SNRNP200: variants seen among roughly 807,000 people sequenced by gnomAD.
SNRNP200 encodes U5 small nuclear ribonucleoprotein 200 kDa helicase.
Under a neutral mutation model 255.2 loss-of-function variants are expected in SNRNP200, and 66 were observed. The ratio of observed to expected loss-of-function variants is 0.26; its 90% CI spans 0.21 to 0.32. SNRNP200 has a LOEUF of 0.32. SNRNP200 is among the 10% of genes least tolerant of loss of function. The pLI, the probability that SNRNP200 is intolerant of heterozygous loss-of-function variation, is 1.00. For synonymous variants in SNRNP200, 939 were observed against 1,027.8 expected (o/e 0.91, Z 1.65); for missense variants, 1,585 against 2,749.8 (o/e 0.58, Z 9.47).
chr2:96,274,978 A>G lies in SNRNP200; in HGVS notation c.*34T>C. The stretch of plus-strand genomic sequence containing the variant: ...TGTACACATTCCTAATTCAGGCTCA[A>G]CTCTCCTTTACCCAAAAGTAAATGC... On this transcript the variant is annotated 3_prime_UTR_variant, in exon 45 of 45. Coordinates refer to ENST00000323853, the MANE Select transcript of SNRNP200 (RefSeq NM_014014.5). 3.1e-6 allele frequency: 5 copies of G among 1,611,984 alleles called. No homozygotes were observed. In the African/African-American group the frequency reaches 5.3e-5, roughly 17 times the overall value.
At position 96,288,726 on chromosome 2, in the gene SNRNP200, G is replaced by A. The variant is rs1424382516; in HGVS notation, c.3195C>T (p.Ala1065=). ...PSAKINVLLQ[A]FISQLKLEGF... ...CCTCCAATTTCAGCTGTGAGATGAA[G>A]GCTTGCAGAAGAACGTTGATCTGTA... Residue 1065 remains alanine, a synonymous_variant, in exon 24 of 45, where the codon GCC becomes GCT. Transcript: ENST00000323853. 1.9e-6 allele frequency: 3 copies of A among 1,614,054 alleles called. No homozygotes were observed. Among genetic ancestry groups the A allele is most frequent in the Admixed American group, 1.7e-5 (1 of 60,006 alleles).
In SNRNP200 at chr2:96,287,825, A is replaced by T. The variant is rs75449597; in HGVS notation, c.3365+38T>A. On this transcript the variant is annotated intron_variant, in intron 25 of 44. Transcript: ENST00000323853. This position sits in a 1 kb window ranked among gnomAD's most constrained non-coding sequence, Gnocchi z 5.7. ...TCAGACCCTTGGGTTGGGGACCCCC[A>T]CTCATGGTGACCAGCATCCAGCTCA... The T allele has an allele frequency of 1.7e-4, 269 of 1,572,206 alleles. 1 individual carries two copies. In the East Asian group the frequency reaches 5.6e-3, roughly 33 times the overall value.
chr2:96,301,145 CAGGAAAGATCTA>C, intron 4 of SNRNP200, 92 bp from the exon 5 acceptor site: 1 of 1,050,290 alleles, frequency 9.5e-7, no homozygotes, highest in Admixed American at 1.7e-5. Context: ...TACCTCTCCT[CAGGAAAGATCTA>C]AGTGCTAAGG....
chr2:96,300,931 TA>T, intron 5 of SNRNP200, 66 bp downstream of exon 5: 1 of 1,332,142 alleles, frequency 7.5e-7, no homozygotes, highest in South Asian at 1.2e-5. Flanking sequence ...TTGTTTACAC[TA>T]GAAGGGGTCC....
In SNRNP200 at chr2:96,286,541, C is replaced by T. The variant is rs1480342536; in HGVS notation, c.3830-57G>A. 2.4e-5 allele frequency: 38 copies of T among 1,605,932 alleles called. No homozygotes were observed. Among genetic ancestry groups the T allele is most frequent in the Admixed American group, 1.3e-4 (8 of 59,796 alleles). On this transcript the variant is annotated intron_variant, in intron 28 of 44. Transcript: ENST00000323853. The surrounding 1 kb of genome is among the most constrained non-coding windows in gnomAD (Gnocchi z 4.8). ...ACTGCTCTCTTTCCCTCACTGGCCT[C>T]TAGATCCCCTCCATGAACACTGGAA...
In SNRNP200 at chr2:96,289,836, T is replaced by C. The variant is rs2063873303; in HGVS notation, c.2903A>G (p.Asn968Ser). The change falls in exon 21 of 45, where the codon AAT becomes AGT. Residue 968 changes from asparagine (N) to serine (S), a missense_variant. Coordinates refer to ENST00000323853, the MANE Select transcript of SNRNP200 (RefSeq NM_014014.5). ...HTAALMLDKNNLVKYDKKTGN... is the reference protein window; with the variant it reads ...HTAALMLDKNSLVKYDKKTGN... ...CGTCTTCTTGTCGTACTTGACCAGA[T>C]TGTTCTTGTCCAGCATCAGGGCAGC... 4 of 1,614,072 alleles carry C rather than the reference T, an allele frequency of 2.5e-6. No individual in the cohort carries two copies. Among genetic ancestry groups the C allele is most frequent in the Non-Finnish European group, 3.4e-6 (4 of 1,180,036 alleles).
At position 96,274,690 on chromosome 2, in the gene SNRNP200, G is replaced by A. The variant is rs370826047; in HGVS notation, c.*322C>T. On this transcript the variant is annotated 3_prime_UTR_variant, in exon 45 of 45. Coordinates refer to ENST00000323853, the MANE Select transcript of SNRNP200 (RefSeq NM_014014.5). ...TCTTTTTGGCCGTGCCCTCAGGTTG[G>A]AGAAAGAAAACTTTTAATTTGGAAT... The A allele has an allele frequency of 2.8e-5, 11 of 386,416 alleles. No individual in the cohort carries two copies. In the East Asian group the frequency reaches 6.2e-4, roughly 22 times the overall value. 23.9% of individuals were successfully genotyped at this position (386,416 alleles called of 1,614,324 possible).
chr2:96,296,964 G>T lies in SNRNP200; in HGVS notation c.1484C>A (p.Thr495Lys). 1 of 1,614,214 alleles carries T rather than the reference G, an allele frequency of 6.2e-7. No individual in the cohort carries two copies. The highest frequency in any genetic ancestry group is 8.5e-7 in the Non-Finnish European group (1 of 1,180,042). ...QSKLYRAALETDENLLLCAPT... is the reference protein window; with the variant it reads ...QSKLYRAALEKDENLLLCAPT... ...AGCACACAGCAGCAGATTCTCATCC[G>T]TCTCAAGGGCAGCACGGTAGAGCTT... Residue 495 changes from threonine to lysine, a missense_variant, in exon 12 of 45, where the codon ACG becomes AAG. Coordinates refer to ENST00000323853, the MANE Select transcript of SNRNP200 (RefSeq NM_014014.5).
intron 13 of SNRNP200, 38 bp downstream of exon 13, chr2:96,296,498 C>T (rs764632267): frequency 3.1e-6 from 5 of 1,609,370 alleles, no homozygotes; most frequent in South Asian, 2.2e-5. Flanking sequence ...TTCATAGGTG[C>T]ACCCAGTATC....
intron 14 of SNRNP200, among the ~76,000 whole-genome samples, chr2:96,295,159 A>G (rs1218308737): frequency 1.3e-5 from 2 of 152,186 alleles, no homozygotes; most frequent in Non-Finnish European, 2.9e-5. Flanking sequence ...CAGTGAGCCA[A>G]GATCGTGCCA....
Position 96,291,573 on chromosome 2 carries a change from T to A in SNRNP200, c.2311-71A>T. The stretch of plus-strand genomic sequence containing the variant: ...TCATCCAAGGACTAAGGAAATCTCC[T>A]CCCATGAGACCCTGCCCCTTAACTA... On this transcript the variant is annotated intron_variant, in intron 17 of 44. Transcript: ENST00000323853. This position sits in a 1 kb window ranked among gnomAD's most constrained non-coding sequence, Gnocchi z 4.2. The A allele has an allele frequency of 8.0e-7, 1 of 1,253,842 alleles. No homozygotes were observed. The highest frequency in any genetic ancestry group is 2.3e-5 in the East Asian group (1 of 43,224). 77.7% of individuals were successfully genotyped at this position (1,253,842 alleles called of 1,614,324 possible). A position where few individuals can be genotyped will look rare whatever the true frequency, so the allele number is the denominator to read the frequency against.
In SNRNP200 at chr2:96,277,242, C is replaced by A; in HGVS notation, c.5932-1G>T. ...TGATGTCGAAAACACTCTCCACTCCCTGCAGTGAGTATTCAGACGTCAGGA... is the reference window on the plus strand; with the variant it reads ...TGATGTCGAAAACACTCTCCACTCCATGCAGTGAGTATTCAGACGTCAGGA... On this transcript the variant is annotated splice_acceptor_variant, in intron 41 of 44. Coordinates refer to ENST00000323853, the MANE Select transcript of SNRNP200 (RefSeq NM_014014.5). LOFTEE classifies it high-confidence loss of function. This position sits in a 1 kb window ranked among gnomAD's most constrained non-coding sequence, Gnocchi z 4.4. 6.2e-7 allele frequency: 1 copy of A among 1,614,164 alleles called. No individual in the cohort carries two copies. The highest frequency in any genetic ancestry group is 8.5e-7 in the Non-Finnish European group (1 of 1,180,018).
At position 96,297,383 on chromosome 2, in the gene SNRNP200, T is replaced by G; in HGVS notation, c.1357A>C (p.Lys453Gln). 6.2e-7 allele frequency: 1 copy of G among 1,613,898 alleles called. No individual in the cohort carries two copies. Among genetic ancestry groups the G allele is most frequent in the African/African-American group, 1.3e-5 (1 of 75,032 alleles). ...CTTACTTCTTCTGAGCCAAAGGGCT[T>G]GGGCTTCAGAGCAGGCACATGCACC... ...EEVHVPALKP[K>Q]PFGSEEQLLP... Residue 453 changes from lysine (K) to glutamine (Q), a missense_variant, in exon 11 of 45, where the codon AAG becomes CAG. By Grantham distance (53) the Lys-to-Gln change is moderately conservative. Around this residue, in one of 9 missense-constraint regions of SNRNP200, gnomAD observed 383 missense variants for 645.3 expected, o/e 0.59. Transcript: ENST00000323853.
rs2063932573 is a variant in SNRNP200, at chr2:96,298,407, G to C, written c.996C>G (p.Thr332=). The change falls in exon 9 of 45, where the codon ACC becomes ACG. Residue 332 remains threonine, a synonymous_variant. Coordinates refer to ENST00000323853, the MANE Select transcript of SNRNP200 (RefSeq NM_014014.5). ...RQHRMMILYC[T]LLASAQSEAE... ...CTTCACTTTGTGCACTGGCCAGCAA[G>C]GTACAGTATAAAACTACCCACAACA... 6 of 1,613,772 alleles carry C rather than the reference G, an allele frequency of 3.7e-6. No individual in the cohort carries two copies. The highest frequency in any genetic ancestry group is 5.1e-6 in the Non-Finnish European group (6 of 1,180,010).
intron 3 of SNRNP200, 139 bp downstream of exon 3, chr2:96,303,020 C>A: frequency 1.1e-6 from 1 of 913,176 alleles, no homozygotes; most frequent in East Asian, 2.4e-5. Context: ...TTCTGAACTA[C>A]CTAAGTGCTG....
chr2:96,276,750 A>G, intron 43 of SNRNP200, 154 bp downstream of exon 43: 2 of 847,416 alleles, frequency 2.4e-6, no homozygotes, highest in Non-Finnish European at 4.1e-6. Context: ...CAAACAGAAA[A>G]AAAACCCCAT....
intron 13 of SNRNP200, 145 bp from the exon 14 acceptor site, chr2:96,295,803 A>G: frequency 1.2e-6 from 1 of 842,868 alleles, no homozygotes; most frequent in South Asian, 1.5e-5. Context: ...TTATGAACAT[A>G]TCTTCCTCAA....
In SNRNP200 at chr2:96,286,328, T is replaced by C. The variant is rs866141824; in HGVS notation, c.3986A>G (p.Asn1329Ser). ...ACACTTACCCTGGGTCTGGATGGGA[T>C]TGAAGAAAGGAAATTTATCTTGGTA... ...SLYQDKFPFF[N>S]PIQTQVFNTV... is the part of the protein sequence containing the mutation. Residue 1329 changes from asparagine (N) to serine (S), a missense_variant, in exon 29 of 45, where the codon AAT becomes AGT. By Grantham distance (46) the Asn-to-Ser change is conservative (BLOSUM62 1). This residue lies in a region of SNRNP200 where 719 missense variants were observed against 1,091.1 expected (regional missense o/e 0.66). Transcript: ENST00000323853. This position sits in a 1 kb window ranked among gnomAD's most constrained non-coding sequence, Gnocchi z 4.8. The C allele has an allele frequency of 1.9e-6, 3 of 1,613,992 alleles. No individual in the cohort carries two copies. Among genetic ancestry groups the C allele is most frequent in the Middle Eastern group, 1.7e-4 (1 of 6,060 alleles).
At chr2:96,296,797 A>T (rs1050872012) in intron 12 of SNRNP200, 106 bp from the exon 13 acceptor site, 2 of 1,538,048 alleles carry the variant, frequency 1.3e-6, no homozygotes, top group Non-Finnish European at 1.8e-6. Flanking sequence ...TGTCCTGGGC[A>T]CTTTATCCTA....
Sources: gnomAD v4.1 joint callset for allele counts (sites outside exome capture counted in the v4.1 genomes callset) on GRCh38, gnomAD v4.1.1 for gene constraint, gnomAD v4.1.1 regional missense constraint, Gnocchi (gnomAD v3.1) non-coding constraint, MANE v1.5 for transcripts, NCBI Gene and HGNC (gene_info 2026-07-23, HGNC 2026-07-21) for gene names.